The following ADCY5 variants were observed in gnomAD, a reference collection of about 807,000 sequenced individuals.
ADCY5 encodes adenylate cyclase 5.
A neutral mutation model predicts 119.7 loss-of-function variants in ADCY5; 30 were observed. That is an observed-to-expected ratio of 0.25 (90% confidence interval 0.19 to 0.34). ADCY5 has a LOEUF of 0.34. ADCY5 is among the 10% of genes least tolerant of loss of function. The pLI, the probability that ADCY5 is intolerant of heterozygous loss-of-function variation, is 1.00. For missense variants in ADCY5, 1,324 were observed against 1,775.2 expected, an observed-to-expected ratio of 0.75 and a Z score of 4.57; for synonymous variants, 753 against 762.2, an observed-to-expected ratio of 0.99 and a Z score of 0.20.
chr3:123,387,715 T>A (rs1176177901), intron 1 of ADCY5, among the ~76,000 whole-genome samples: 2 of 152,124 alleles, frequency 1.3e-5, no homozygotes, highest in African/African-American at 4.8e-5. Context: ...AACACAACAT[T>A]AATTAGGCAA....
At chr3:123,432,300 C>G (rs1945537288) in intron 1 of ADCY5, among the ~76,000 whole-genome samples, 1 of 152,190 alleles carries the variant, frequency 6.6e-6, no homozygotes, top group Non-Finnish European at 1.5e-5. Context: ...AGGAACTTGC[C>G]TCTTGTCAAG....
intron 1 of ADCY5, among the ~76,000 whole-genome samples, chr3:123,369,250 G>T (rs1439170895): frequency 6.6e-6 from 1 of 152,156 alleles, no homozygotes; most frequent in African/African-American, 2.4e-5. Flanking sequence ...GAACAAGAAG[G>T]CCCTCGCTAG....
chr3:123,384,139 T>C (rs1291028144), intron 1 of ADCY5, among the ~76,000 whole-genome samples: 3 of 152,202 alleles, frequency 2.0e-5, no homozygotes, highest in Admixed American at 1.3e-4. Context: ...GTTATTACCA[T>C]GTGACCCTTA....
chr3:123,435,889 T>C (rs1315933058), intron 1 of ADCY5, among the ~76,000 whole-genome samples: 1 of 145,642 alleles, frequency 6.9e-6, no homozygotes, highest in Non-Finnish European at 1.5e-5. Context: ...TTATTATTAT[T>C]ATTATTATTA....
intron 1 of ADCY5, among the ~76,000 whole-genome samples, chr3:123,433,052 G>T (rs535657068): frequency 2.0e-5 from 3 of 152,350 alleles, no homozygotes; most frequent in Non-Finnish European, 2.9e-5. Flanking sequence ...GGGATTGAAA[G>T]AGACAAGCTC....
chr3:123,447,808 C>T lies in ADCY5; in HGVS notation c.738G>A (p.Met246Ile). Residue 246 changes from methionine to isoleucine, a missense_variant, in exon 1 of 21, where the codon ATG (methionine) becomes ATA (isoleucine). Met to Ile is a conservative substitution (Grantham distance 10). Transcript: ENST00000462833. Reference sequence around the variant, plus strand: ...CCAGGCACACGAGCACCAGCACGGCCATGAGCATGGTGAGGCTGCTCTGGT... The same window carrying T: ...CCAGGCACACGAGCACCAGCACGGCTATGAGCATGGTGAGGCTGCTCTGGT... Reference protein sequence around the residue: ...RLNQSSLTMLMAVLVLVCLVM... With the variant: ...RLNQSSLTMLIAVLVLVCLVM... 1 of 1,612,744 alleles carries T rather than the reference C, an allele frequency of 6.2e-7. No homozygotes were observed. The highest frequency in any genetic ancestry group is 2.2e-5 in the East Asian group (1 of 44,850).
intron 1 of ADCY5, among the ~76,000 whole-genome samples, chr3:123,356,946 TG>T (rs1345016566): frequency 6.6e-6 from 1 of 152,032 alleles, no homozygotes; most frequent in Non-Finnish European, 1.5e-5. Flanking sequence ...ATGTACAACA[TG>T]GATGCATCTC....
intron 1 of ADCY5, among the ~76,000 whole-genome samples, chr3:123,446,792 G>C (rs1459353217): frequency 6.6e-6 from 1 of 152,230 alleles, no homozygotes; most frequent in African/African-American, 2.4e-5. Context: ...ACATCTCGGA[G>C]GCTCCTTCCC....
intron 1 of ADCY5, among the ~76,000 whole-genome samples, chr3:123,445,491 C>A (rs1418660676): frequency 2.6e-5 from 4 of 152,144 alleles, no homozygotes; most frequent in African/African-American, 4.8e-5. Context: ...GGATGACATG[C>A]CCCTTCCTCT....
At chr3:123,378,385 A>T (rs922853519) in intron 1 of ADCY5, among the ~76,000 whole-genome samples, 1 of 152,110 alleles carries the variant, frequency 6.6e-6, no homozygotes, top group South Asian at 2.1e-4. Flanking sequence ...TCGAAAAAAA[A>T]AAAGAAAGAA....
chr3:123,299,688 A>G (rs60264139), intron 15 of ADCY5, among the ~76,000 whole-genome samples: 5,376 of 152,330 alleles, frequency 0.035, 332 homozygotes, highest in African/African-American at 0.12. Context: ...TACTTGGCTG[A>G]GTTGCTGCAG....
intron 1 of ADCY5, among the ~76,000 whole-genome samples, chr3:123,384,802 C>G (rs943128074): frequency 1.3e-5 from 2 of 152,162 alleles, no homozygotes; most frequent in Admixed American, 6.5e-5. Flanking sequence ...GAAGAGGCCA[C>G]TAGTACCACT....
intron 8 of ADCY5, among the ~76,000 whole-genome samples, chr3:123,323,924 A>G (rs1325438266): frequency 6.6e-6 from 1 of 152,078 alleles, no homozygotes; most frequent in African/African-American, 2.4e-5. Flanking sequence ...CAGAGTCTGC[A>G]GGAGACTATC....
intron 3 of ADCY5, among the ~76,000 whole-genome samples, chr3:123,346,371 TC>T (rs1355399975): frequency 6.6e-6 from 1 of 152,144 alleles, no homozygotes; most frequent in East Asian, 1.9e-4. Context: ...GCCTACACTG[TC>T]CCTACCTGAC....
intron 1 of ADCY5, among the ~76,000 whole-genome samples, chr3:123,443,707 G>A (rs1237317570): frequency 6.6e-6 from 1 of 152,238 alleles, no homozygotes; most frequent in African/African-American, 2.4e-5. Context: ...AAGACAGGGT[G>A]GGGTGGGAGA....
chr3:123,440,467 C>CG (rs1254736069), intron 1 of ADCY5, among the ~76,000 whole-genome samples: 1 of 151,728 alleles, frequency 6.6e-6, no homozygotes, highest in East Asian at 1.9e-4. Context: ...AACCACCCCC[C>CG]CTTTCTCTTG....
chr3:123,335,534 A>AGAT (rs1290019399), intron 3 of ADCY5, among the ~76,000 whole-genome samples: 1 of 152,192 alleles, frequency 6.6e-6, no homozygotes, highest in African/African-American at 2.4e-5. Flanking sequence ...GAACCAATCA[A>AGAT]GATGATGCTG....
At chr3:123,335,102 G>A (rs980961280) in intron 3 of ADCY5, among the ~76,000 whole-genome samples, 1 of 152,110 alleles carries the variant, frequency 6.6e-6, no homozygotes, top group Non-Finnish European at 1.5e-5. Flanking sequence ...CCCTGCCCTC[G>A]CCACCCCAGG....
intron 1 of ADCY5, among the ~76,000 whole-genome samples, chr3:123,415,026 C>T (rs887567771): frequency 6.6e-6 from 1 of 152,158 alleles, no homozygotes; most frequent in Non-Finnish European, 1.5e-5. Flanking sequence ...CCTTGGGTCC[C>T]TAGAGAGAAG....
Sources: allele counts gnomAD v4.1 joint callset (sites outside exome capture counted in the v4.1 genomes callset), GRCh38; gene constraint gnomAD v4.1.1; transcripts MANE v1.5; gene names NCBI Gene and HGNC (gene_info 2026-07-23, HGNC 2026-07-21).